Variants in IL33 observed in about 807,000 individuals in gnomAD.
IL33 encodes the protein interleukin 33, also known as interleukin-33.
In IL33, 37 loss-of-function variants were observed where a neutral mutation model predicts 27.3. That is an observed-to-expected ratio of 1.36 (90% CI 1.04 to 1.78). The LOEUF (loss-of-function observed/expected upper bound fraction) is 1.78, where lower values mean the gene tolerates loss of function less well. IL33 is among the 40% of genes most tolerant of loss of function. IL33 has a pLI of 0.00. For missense variants in IL33, 406 were observed against 311.4 expected, an observed-to-expected ratio of 1.30 and a Z score of -2.29; for synonymous variants, 132 against 102.9, an observed-to-expected ratio of 1.28 and a Z score of -1.71.
chr9:6,235,687 A>T (rs1819161609), intron 1 of IL33, among the ~76,000 whole-genome samples: 1 of 152,210 alleles, frequency 6.6e-6, no homozygotes, highest in Non-Finnish European at 1.5e-5. Flanking sequence ...GAAATTAACA[A>T]TACACATTTT....
intron 1 of IL33, among the ~76,000 whole-genome samples, chr9:6,218,898 C>T (rs1255861104): frequency 3.2e-5 from 1 of 31,428 alleles, no homozygotes; most frequent in Non-Finnish European, 5.6e-5. Flanking sequence ...TATATGTTCT[C>T]CATATATATA....
chr9:6,251,867 C>T (rs1289908179), intron 4 of IL33, among the ~76,000 whole-genome samples: 1 of 151,552 alleles, frequency 6.6e-6, no homozygotes, highest in Non-Finnish European at 1.5e-5. Flanking sequence ...TGGCGAAACC[C>T]TGTCTCTACT....
chr9:6,240,110 CAA>C (rs1317023830), intron 1 of IL33, among the ~76,000 whole-genome samples: 7 of 152,168 alleles, frequency 4.6e-5, no homozygotes. Flanking sequence ...CCACTATCTA[CAA>C]AAAGAGTCCA....
rs766862459 is a variant in IL33, at chr9:6,252,982, G to T, written c.460G>T (p.Glu154Ter). 1.8e-5 allele frequency: 27 copies of T among 1,519,236 alleles called. No homozygotes were observed. The highest frequency in any genetic ancestry group is 2.1e-5 in the Non-Finnish European group (23 of 1,114,870). The allele number at this position is 1,519,236 out of a possible 1,614,324, so 94.1% of individuals were successfully genotyped here. Residue 154 changes from glutamate to a stop codon, truncating the protein, a stop_gained, in exon 5 of 8, where the codon GAA becomes TAA. Coordinates refer to ENST00000682010, the MANE Select transcript of IL33 (RefSeq NM_033439.4). LOFTEE classifies it high-confidence loss of function. ...EIYVEDLKKD[E>*]KKDKVLLSYY... ...ATATGTTGAAGACTTGAAAAAAGAT[G>T]AAAAGAAAGGTAGATTATTTTCTTT...
At chr9:6,254,360 T>C in intron 6 of IL33, 102 bp from the exon 7 acceptor site, 1 of 657,366 alleles carries the variant, frequency 1.5e-6, no homozygotes. Context: ...GAAGTAATTA[T>C]TTTATGTAAC....
chr9:6,252,052 C>CAAAAA (rs1311401521), intron 4 of IL33, among the ~76,000 whole-genome samples: 6 of 36,184 alleles, frequency 1.7e-4, no homozygotes, highest in African/African-American at 3.8e-4. Flanking sequence ...AACAAACAAA[C>CAAAAA]AAACAAAAAA....
In IL33 at chr9:6,245,981, T is replaced by C. The variant is rs1469217899; in HGVS notation, c.91+4196T>C. Among the ~76,000 whole-genome samples, 7 of 128,572 alleles carry C rather than the reference T, an allele frequency of 5.4e-5. No homozygotes were observed. In the East Asian group the frequency reaches 1.8e-3, roughly 33 times the overall value. The allele number at this position is 128,572 out of a possible 152,430, so 84.3% of individuals were successfully genotyped here. ...GGGAGGCTGAGGCAGGAGAATGGCA[T>C]GAACTCGGGAGGCAGAGCTTGCAGT... On this transcript the variant is annotated intron_variant, in intron 2 of 7. Transcript: ENST00000682010.
intron 6 of IL33, 110 bp downstream of exon 6, chr9:6,253,712 T>C: frequency 1.4e-6 from 1 of 722,612 alleles, no homozygotes; most frequent in South Asian, 2.0e-5. Flanking sequence ...TCTCAGAAGG[T>C]TATCTCCAAC....
intron 1 of IL33, among the ~76,000 whole-genome samples, chr9:6,232,363 T>C (rs1818966942): frequency 6.6e-6 from 1 of 152,234 alleles, no homozygotes. Context: ...ACTGTTGTTG[T>C]TGTTCAGAGG....
At chr9:6,235,032 T>C (rs1459062790) in intron 1 of IL33, among the ~76,000 whole-genome samples, 1 of 152,190 alleles carries the variant, frequency 6.6e-6, no homozygotes, top group East Asian at 1.9e-4. Context: ...TGTATTCTTT[T>C]TTCACTATCT....
At chr9:6,255,832 C>T (rs781426045) in intron 7 of IL33, 136 bp from the exon 8 acceptor site, 23 of 691,330 alleles carry the variant, frequency 3.3e-5, no homozygotes, top group Non-Finnish European at 5.5e-5. Context: ...CTCTTCCCTC[C>T]ACAACTCACT....
rs113609242 is a variant in IL33, at chr9:6,254,555, T to TAA, written c.612+13_612+14dup. ...AACAACAAGGAACACTCTGTGGAGGTAAAAAAAAAAAATTTATCTATATCT... is the reference window on the plus strand; with the variant it reads ...AACAACAAGGAACACTCTGTGGAGGTAAAAAAAAAAAAAATTTATCTATATCT... On this transcript the variant is annotated splice_region_variant and intron_variant, in intron 7 of 7. Transcript: ENST00000682010. 989 of 1,275,494 alleles carry TAA rather than the reference T, an allele frequency of 7.8e-4. 2 individuals carry two copies. The African/African-American group carries it at 8.4e-3, about 11-fold the overall frequency. 79.0% of individuals were successfully genotyped at this position (1,275,494 alleles called of 1,614,324 possible).
At chr9:6,216,473 G>C (rs547698174) in intron 1 of IL33, among the ~76,000 whole-genome samples, 1 of 152,316 alleles carries the variant, frequency 6.6e-6, no homozygotes, top group East Asian at 1.9e-4. Context: ...GGTGGTTCAA[G>C]CCTGTAATCC....
At chr9:6,228,510 TG>T (rs1818759200) in intron 1 of IL33, among the ~76,000 whole-genome samples, 2 of 151,902 alleles carry the variant, frequency 1.3e-5, no homozygotes, top group African/African-American at 4.8e-5. Context: ...TGTTCCATGT[TG>T]TTTTTTTTTT....
chr9:6,225,729 C>T (rs1818595630), intron 1 of IL33, among the ~76,000 whole-genome samples: 5 of 152,016 alleles, frequency 3.3e-5, no homozygotes, highest in Non-Finnish European at 1.5e-5. Context: ...TCTCTTTTCT[C>T]TTTCCTTTTG....
At chr9:6,252,037 A>G (rs1022372037) in intron 4 of IL33, among the ~76,000 whole-genome samples, 1 of 27,956 alleles carries the variant, frequency 3.6e-5, no homozygotes, top group Admixed American at 4.9e-4. Flanking sequence ...CTGTCTCAGA[A>G]AAAAAACAAA....
rs143577393 is a variant in IL33 at position 6,223,613 on chromosome 9, A to G, written c.-12+7761A>G. Among the ~76,000 whole-genome samples the G allele has an allele frequency of 5.1e-3, 775 of 152,258 alleles. 6 individuals carry two copies. The highest frequency in any genetic ancestry group is 0.018 in the African/African-American group (735 of 41,564). On this transcript the variant is annotated intron_variant, in intron 1 of 7. Coordinates refer to ENST00000682010, the MANE Select transcript of IL33 (RefSeq NM_033439.4). Reference sequence around the variant, plus strand: ...TGTTTTAAACAATTCAACCATAAAGATATTATTAAGGCAATGTCCAGAATA... The same window carrying G: ...TGTTTTAAACAATTCAACCATAAAGGTATTATTAAGGCAATGTCCAGAATA...
intron 4 of IL33, among the ~76,000 whole-genome samples, chr9:6,251,600 G>A (rs1554703470): frequency 1.3e-5 from 2 of 152,082 alleles, no homozygotes; most frequent in Non-Finnish European, 2.9e-5. Context: ...TTTTGACCAT[G>A]AAAGAAAAGA....
At chr9:6,217,823 T>C (rs886892528) in intron 1 of IL33, among the ~76,000 whole-genome samples, 2 of 152,152 alleles carry the variant, frequency 1.3e-5, no homozygotes, top group African/African-American at 4.8e-5. Flanking sequence ...TCCAAAAGTA[T>C]GTCCTGTGGC....
Sources: allele counts gnomAD v4.1 joint callset (sites outside exome capture counted in the v4.1 genomes callset), GRCh38; gene constraint gnomAD v4.1.1; transcripts MANE v1.5; gene names NCBI Gene and HGNC (gene_info 2026-07-23, HGNC 2026-07-21).